Variants in NUP35 observed in about 807,000 individuals in gnomAD.
NUP35 encodes nucleoporin NUP35.
NUP35 carries 25 observed loss-of-function variants against 41.5 expected under a neutral mutation model. The observed-to-expected ratio is 0.60, with a 90% CI of 0.44 to 0.84. The LOEUF (loss-of-function observed/expected upper bound fraction) is 0.84. NUP35 is among the 40% of genes least tolerant of loss of function. The pLI is 0.00. For synonymous variants in NUP35, 149 were observed against 130.7 expected (o/e 1.14, Z -0.96); for missense variants, 396 against 396.6 (o/e 1.00, Z 0.01).
At chr2:183,132,603 A>G (rs1235591886) in intron 3 of NUP35, among the ~76,000 whole-genome samples, 2 of 152,140 alleles carry the variant, frequency 1.3e-5, no homozygotes, top group Non-Finnish European at 2.9e-5. Context: ...TGTTTGTTGC[A>G]AGAACCACTG....
At chr2:183,134,655 G>T (rs150564215) in intron 4 of NUP35, among the ~76,000 whole-genome samples, 1 of 151,272 alleles carries the variant, frequency 6.6e-6, no homozygotes, top group Admixed American at 6.6e-5. Flanking sequence ...TTGGTCTGTC[G>T]CCCAGGTTAG....
chr2:183,149,994 C>T (rs759659821), intron 4 of NUP35, among the ~76,000 whole-genome samples: 7 of 152,154 alleles, frequency 4.6e-5, no homozygotes, highest in Admixed American at 2.0e-4. Flanking sequence ...GCAACCTCCG[C>T]CTCCCGGGTT....
upstream of NUP35, among the ~76,000 whole-genome samples, chr2:183,123,194 A>G (rs148448269): frequency 6.6e-6 from 1 of 152,294 alleles, no homozygotes; most frequent in African/African-American, 2.4e-5. Flanking sequence ...TGGTACTTTG[A>G]TTTTAGCCCT....
intron 4 of NUP35, among the ~76,000 whole-genome samples, chr2:183,147,911 T>A (rs1163658911): frequency 7.1e-6 from 1 of 140,338 alleles, no homozygotes; most frequent in Non-Finnish European, 1.5e-5. Flanking sequence ...TCCTAGGTAT[T>A]TTAATTTTTT....
chr2:183,120,687 T>A (rs2105524214), upstream of NUP35, among the ~76,000 whole-genome samples: 1 of 152,326 alleles, frequency 6.6e-6, no homozygotes, highest in Non-Finnish European at 1.5e-5. Flanking sequence ...AACAATATAA[T>A]CTAGAAATCA....
rs1263348570 is a variant in NUP35 at position 183,152,148 on chromosome 2, CACACA to C, written c.539+500_539+504del. On this transcript the variant is annotated intron_variant, in intron 5 of 8. Transcript: ENST00000295119. The stretch of plus-strand genomic sequence containing the variant: ...ACACACACACACACACACACACACA[CACACA>C]CAATGTCACAGGGTTGATACTTTCT... 2.5e-3 allele frequency among the ~76,000 whole-genome samples: 354 copies of C among 139,664 alleles called. 3 individuals are homozygous for C. The highest frequency in any genetic ancestry group is 9.3e-3 in the African/African-American group (335 of 36,212). The allele number at this position is 139,664 out of a possible 152,430, so 91.6% of individuals were successfully genotyped here. A position where few individuals can be genotyped will look rare whatever the true frequency, so the allele number is the denominator to read the frequency against.
Position 183,126,806 on chromosome 2 carries a change from CAT to C in NUP35, c.41-1479_41-1478del, listed in dbSNP as rs373280286. Among the ~76,000 whole-genome samples the C allele has an allele frequency of 2.0e-4, 31 of 152,292 alleles. No individual in the cohort carries two copies. In the East Asian group the frequency reaches 3.5e-3, roughly 17 times the overall value. ...AGTTAATAAAAAACCATACAAATAACATAGCAAACATTTGACCCTTCTGAGTG... is the reference window on the plus strand; with the variant it reads ...AGTTAATAAAAAACCATACAAATAACAGCAAACATTTGACCCTTCTGAGTG... On this transcript the variant is annotated intron_variant, in intron 1 of 8. Transcript: ENST00000295119.
At chr2:183,147,791 T>G (rs1685332323) in intron 4 of NUP35, among the ~76,000 whole-genome samples, 1 of 152,242 alleles carries the variant, frequency 6.6e-6, no homozygotes. Context: ...TGCTGATTCT[T>G]CTAATCTATG....
chr2:183,160,816 C>T, intron 8 of NUP35: 1 of 304,354 alleles, frequency 3.3e-6, no homozygotes, highest in South Asian at 5.3e-5. Context: ...GGCGCAGGGG[C>T]TCATGCCTGT....
chr2:183,121,620 T>C (rs563038321), upstream of NUP35, among the ~76,000 whole-genome samples: 360 of 151,908 alleles, frequency 2.4e-3, 2 homozygotes, highest in African/African-American at 8.2e-3. Context: ...GATCATGAGG[T>C]CAGGAGATCG....
chr2:183,135,304 G>A (rs1413166534), intron 4 of NUP35, among the ~76,000 whole-genome samples: 1 of 152,196 alleles, frequency 6.6e-6, no homozygotes, highest in African/African-American at 2.4e-5. Flanking sequence ...AAGTCTGTAA[G>A]TGAGGGAGGT....
chr2:183,155,367 C>T (rs1268872993), intron 5 of NUP35, among the ~76,000 whole-genome samples: 4 of 152,182 alleles, frequency 2.6e-5, no homozygotes, highest in African/African-American at 7.2e-5. Context: ...TTTTCCTCCT[C>T]TTTAAGGCAG....
intron 4 of NUP35, among the ~76,000 whole-genome samples, chr2:183,134,111 TTA>T (rs1164744077): frequency 6.6e-6 from 1 of 152,328 alleles, no homozygotes; most frequent in Non-Finnish European, 1.5e-5. Context: ...CAACCACTGA[TTA>T]TATACCTAGT....
chr2:183,160,306 A>C (rs932193279), intron 8 of NUP35: 4 of 152,176 alleles, frequency 2.6e-5, no homozygotes, highest in Admixed American at 2.6e-4. Flanking sequence ...AAATTTGGAG[A>C]TTATTCTAGA....
At chr2:183,157,305 G>C in intron 5 of NUP35, 139 bp from the exon 6 acceptor site, 1 of 692,198 alleles carries the variant, frequency 1.4e-6, no homozygotes, top group Non-Finnish European at 2.5e-6. Flanking sequence ...CCATATCGGG[G>C]AAAACAGGAT....
At chr2:183,137,546 A>C (rs1313442453) in intron 4 of NUP35, among the ~76,000 whole-genome samples, 1 of 152,216 alleles carries the variant, frequency 6.6e-6, no homozygotes, top group Non-Finnish European at 1.5e-5. Context: ...TGATCACACC[A>C]CTGCATTCCA....
chr2:183,129,314 C>T (rs72892690), intron 2 of NUP35, among the ~76,000 whole-genome samples: 11,957 of 152,198 alleles, frequency 0.079, 549 homozygotes, highest in South Asian at 0.17. Context: ...CAAAGAAATA[C>T]TTTAAAAAAT....
chr2:183,137,426 AT>A lies in NUP35; in HGVS notation c.397+3809del, dbSNP rs147861874. ...GAGATGCCTGTCTGTACAAAAAAAA[AT>A]TTTTTAAATTAGCCTGGCATGGTGG... is the stretch of plus-strand genomic sequence containing the variant. On this transcript the variant is annotated intron_variant, in intron 4 of 8. Transcript: ENST00000295119. Among the ~76,000 whole-genome samples the A allele has an allele frequency of 2.4e-3, 360 of 152,168 alleles. 3 individuals are homozygous for A. The highest frequency in any genetic ancestry group is 8.3e-3 in the African/African-American group (344 of 41,518).
chr2:183,125,419 T>C (rs1247507866), intron 1 of NUP35, among the ~76,000 whole-genome samples: 1 of 149,592 alleles, frequency 6.7e-6, no homozygotes, highest in Non-Finnish European at 1.5e-5. Context: ...AAATGTAATA[T>C]ATATGGTGTG....
Sources: gnomAD v4.1 joint callset for allele counts (sites outside exome capture counted in the v4.1 genomes callset) on GRCh38, gnomAD v4.1.1 for gene constraint, MANE v1.5 for transcripts, NCBI Gene and HGNC (gene_info 2026-07-23, HGNC 2026-07-21) for gene names.